The following UNC5C variants were observed in gnomAD, a reference collection of about 807,000 sequenced individuals.
UNC5C encodes the protein netrin receptor UNC5C.
A neutral mutation model predicts 99.8 loss-of-function variants in UNC5C; 47 were observed. The ratio of observed to expected loss-of-function variants is 0.47; its 90% CI spans 0.37 to 0.60. The LOEUF (loss-of-function observed/expected upper bound fraction) is 0.60, where lower values mean the gene tolerates loss of function less well. Among genes scored for constraint, UNC5C ranks in the 20% least tolerant of loss-of-function variants. The pLI is 0.00. For missense variants in UNC5C, 1,062 were observed against 1,165.9 expected (o/e 0.91, Z 1.30); for synonymous variants, 487 against 452.2 (o/e 1.08, Z -0.98).
At chr4:95,525,352 C>A (rs181359523) in intron 1 of UNC5C, among the ~76,000 whole-genome samples, 401 of 152,172 alleles carry the variant, frequency 2.6e-3, no homozygotes, top group Middle Eastern at 0.01. Flanking sequence ...TATAACTTTG[C>A]AGAACTACGT....
chr4:95,236,142 T>G (rs182245869), intron 7 of UNC5C, among the ~76,000 whole-genome samples: 6,152 of 152,248 alleles, frequency 0.04, 156 homozygotes, highest in South Asian at 0.099. Context: ...CATATATGTT[T>G]ATTGCAGCAC....
intron 1 of UNC5C, among the ~76,000 whole-genome samples, chr4:95,425,263 T>A (rs1746444226): frequency 6.6e-6 from 1 of 152,238 alleles, no homozygotes; most frequent in African/African-American, 2.4e-5. Context: ...AGACAGCCCA[T>A]AGGCCATAAG....
chr4:95,246,399 T>C (rs1241205205), intron 5 of UNC5C, among the ~76,000 whole-genome samples: 1 of 150,940 alleles, frequency 6.6e-6, no homozygotes, highest in Admixed American at 6.6e-5. Flanking sequence ...TCCACAAAAA[T>C]TAAAAAAAAA....
At chr4:95,296,648 G>A (rs1741679323) in intron 3 of UNC5C, among the ~76,000 whole-genome samples, 2 of 152,166 alleles carry the variant, frequency 1.3e-5, no homozygotes, top group Non-Finnish European at 1.5e-5. Flanking sequence ...GCAAGTCAAT[G>A]TAGTGTGGAA....
chr4:95,440,401 A>C (rs1314200479), intron 1 of UNC5C, among the ~76,000 whole-genome samples: 1 of 152,146 alleles, frequency 6.6e-6, no homozygotes, highest in African/African-American at 2.4e-5. Flanking sequence ...AAAACAGACC[A>C]ATTTTTTCAA....
intron 1 of UNC5C, among the ~76,000 whole-genome samples, chr4:95,414,941 G>A (rs941981652): frequency 7.9e-5 from 12 of 152,034 alleles, no homozygotes; most frequent in Non-Finnish European, 1.6e-4. Flanking sequence ...TTTACAAGTG[G>A]GAAATAAGAT....
chr4:95,444,583 A>G (rs543647484), intron 1 of UNC5C, among the ~76,000 whole-genome samples: 7 of 152,214 alleles, frequency 4.6e-5, no homozygotes, highest in African/African-American at 9.6e-5. Flanking sequence ...CGCCCGCCTC[A>G]ACCTCCCAAA....
At chr4:95,522,698 GGCT>G (rs1282713859) in intron 1 of UNC5C, among the ~76,000 whole-genome samples, 1 of 151,882 alleles carries the variant, frequency 6.6e-6, no homozygotes, top group Non-Finnish European at 1.5e-5. Context: ...CAATACAAAG[GGCT>G]TTATAGTCCC....
intron 4 of UNC5C, among the ~76,000 whole-genome samples, chr4:95,254,936 T>A (rs1739899213): frequency 6.6e-6 from 1 of 152,132 alleles, no homozygotes; most frequent in Admixed American, 6.5e-5. Context: ...CATCCCTTTG[T>A]CACTTCAAGA....
intron 1 of UNC5C, among the ~76,000 whole-genome samples, chr4:95,389,888 T>A (rs1187713229): frequency 6.6e-6 from 1 of 152,114 alleles, no homozygotes; most frequent in Non-Finnish European, 1.5e-5. Context: ...TTAAGATAAT[T>A]TTAGCTGCTT....
intron 14 of UNC5C, among the ~76,000 whole-genome samples, chr4:95,171,299 T>C: frequency 6.6e-6 from 1 of 151,870 alleles, no homozygotes; most frequent in East Asian, 1.9e-4. Flanking sequence ...TAGTTACATA[T>C]GTATACACGT....
chr4:95,255,789 C>T (rs1417083376), intron 4 of UNC5C, among the ~76,000 whole-genome samples: 2 of 152,034 alleles, frequency 1.3e-5, no homozygotes, highest in Admixed American at 6.6e-5. Flanking sequence ...AAACCCTTCT[C>T]ACCCGTTTCT....
At chr4:95,486,228 T>C (rs1311344678) in intron 1 of UNC5C, among the ~76,000 whole-genome samples, 1 of 151,766 alleles carries the variant, frequency 6.6e-6, no homozygotes, top group Non-Finnish European at 1.5e-5. Flanking sequence ...GCACAAAACA[T>C]TTCTGAAGTT....
intron 1 of UNC5C, among the ~76,000 whole-genome samples, chr4:95,359,413 G>A (rs1178595450): frequency 6.6e-6 from 1 of 151,576 alleles, no homozygotes; most frequent in African/African-American, 2.4e-5. Flanking sequence ...GAGATTTAAC[G>A]ACAAGCTTCA....
chr4:95,433,023 T>C (rs1746675454), intron 1 of UNC5C, among the ~76,000 whole-genome samples: 1 of 152,092 alleles, frequency 6.6e-6, no homozygotes, highest in Admixed American at 6.6e-5. Context: ...CAACCACAAA[T>C]CTTAAAAAAC....
intron 1 of UNC5C, among the ~76,000 whole-genome samples, chr4:95,380,793 T>C (rs189158224): frequency 6.6e-6 from 1 of 152,220 alleles, no homozygotes; most frequent in South Asian, 2.1e-4. Flanking sequence ...CTAATTTCTA[T>C]GATTAAGCAT....
At chr4:95,356,068 T>C (rs1469595843) in intron 1 of UNC5C, among the ~76,000 whole-genome samples, 2 of 151,650 alleles carry the variant, frequency 1.3e-5, no homozygotes, top group Non-Finnish European at 2.9e-5. Flanking sequence ...CACCCACCTG[T>C]AGTTACAGCT....
chr4:95,340,331 C>T (rs182940205), intron 1 of UNC5C, among the ~76,000 whole-genome samples: 121 of 152,158 alleles, frequency 8.0e-4, no homozygotes, highest in African/African-American at 2.8e-3. Context: ...AAGCATACTC[C>T]TCTGAAATGG....
intron 1 of UNC5C, among the ~76,000 whole-genome samples, chr4:95,338,530 T>C (rs747189375): frequency 6.6e-6 from 1 of 152,092 alleles, no homozygotes; most frequent in Non-Finnish European, 1.5e-5. Flanking sequence ...TTGCCAGTCA[T>C]ACAAGTGGAG....
Sources: gnomAD v4.1 joint callset for allele counts (sites outside exome capture counted in the v4.1 genomes callset) on GRCh38, gnomAD v4.1.1 for gene constraint, MANE v1.5 for transcripts, NCBI Gene and HGNC (gene_info 2026-07-23, HGNC 2026-07-21) for gene names.